PELI1: variants seen among roughly 807,000 people sequenced by gnomAD.
The protein encoded by PELI1 is pellino E3 ubiquitin protein ligase 1.
A neutral mutation model predicts 41.3 loss-of-function variants in PELI1; 15 were observed. The observed-to-expected ratio is 0.36, with a 90% CI of 0.24 to 0.56. PELI1 has a LOEUF of 0.56. Among genes scored for constraint, PELI1 ranks in the 20% least tolerant of loss-of-function variants. The probability of loss-of-function intolerance (pLI) is 0.82; values close to 1 mark genes in which losing one functional copy is unlikely to be tolerated. For synonymous variants in PELI1, 178 were observed against 180.1 expected (o/e 0.99, Z 0.09); for missense variants, 403 against 525.5 (o/e 0.77, Z 2.28).
At chr2:64,143,628 A>C (rs974675573) in intron 1 of PELI1, 2 of 152,244 alleles carry the variant, frequency 1.3e-5, no homozygotes, top group Non-Finnish European at 2.9e-5. Flanking sequence ...GACAACAATC[A>C]TAACAATAAA....
Position 64,094,607 on chromosome 2 carries a change from C to T in PELI1, c.*95G>A. 1 of 758,308 alleles carries T rather than the reference C, an allele frequency of 1.3e-6. No homozygotes were observed. Among genetic ancestry groups the T allele is most frequent in the South Asian group, 2.1e-5 (1 of 48,426 alleles). 47.0% of individuals were successfully genotyped at this position (758,308 alleles called of 1,614,324 possible). A position where few individuals can be genotyped will look rare whatever the true frequency, so the allele number is the denominator to read the frequency against. ...AAATTCTTCATCTTAATGCAAATGA[C>T]CAGAGCAGAAAAACTGTGACGTGGA... On this transcript the variant is annotated 3_prime_UTR_variant, in exon 7 of 7. Transcript: ENST00000358912.
At chr2:64,121,156 G>A (rs573843461) in intron 1 of PELI1, among the ~76,000 whole-genome samples, 3 of 152,172 alleles carry the variant, frequency 2.0e-5, no homozygotes, top group Non-Finnish European at 4.4e-5. Flanking sequence ...GTTCAGTCCA[G>A]GAAACATACC....
rs1680163039 is a variant in PELI1 at position 64,094,604 on chromosome 2, T to C, written c.*98A>G. Reference sequence around the variant, plus strand: ...AAAAAATTCTTCATCTTAATGCAAATGACCAGAGCAGAAAAACTGTGACGT... The same window carrying C: ...AAAAAATTCTTCATCTTAATGCAAACGACCAGAGCAGAAAAACTGTGACGT... On this transcript the variant is annotated 3_prime_UTR_variant, in exon 7 of 7. Coordinates refer to ENST00000358912, the MANE Select transcript of PELI1 (RefSeq NM_020651.4). 6 of 728,172 alleles carry C rather than the reference T, an allele frequency of 8.2e-6. No homozygotes were observed. The highest frequency in any genetic ancestry group is 1.8e-5 in the African/African-American group (1 of 56,194). The allele number at this position is 728,172 out of a possible 1,614,324, so 45.1% of individuals were successfully genotyped here.
intron 1 of PELI1, among the ~76,000 whole-genome samples, chr2:64,137,294 T>C (rs192465973): frequency 8.0e-4 from 122 of 152,248 alleles, no homozygotes; most frequent in African/African-American, 2.6e-3. Flanking sequence ...AAGAACCAGA[T>C]TCATCTCTTA....
At chr2:64,097,987 T>G (rs1680301708) in intron 4 of PELI1, among the ~76,000 whole-genome samples, 1 of 152,082 alleles carries the variant, frequency 6.6e-6, no homozygotes, top group East Asian at 1.9e-4. Context: ...CTTTAAAAGC[T>G]AAAAGATATA....
In PELI1 at chr2:64,117,913, G is replaced by A. The variant is rs926847791; in HGVS notation, c.-69-9534C>T. On this transcript the variant is annotated intron_variant, in intron 1 of 6. Transcript: ENST00000358912. ...CAACCTCTGCCTCCCAGGTTCAAGC[G>A]ATTCTCCTGCCTCAGCCTCCTAAGT... Among the ~76,000 whole-genome samples the A allele has an allele frequency of 4.0e-5, 6 of 151,886 alleles. No individual in the cohort carries two copies. In the East Asian group the frequency reaches 5.8e-4, roughly 15 times the overall value.
chr2:64,126,262 C>T (rs186681517), intron 1 of PELI1, among the ~76,000 whole-genome samples: 26 of 152,302 alleles, frequency 1.7e-4, no homozygotes, highest in African/African-American at 5.1e-4. Context: ...CTCCCGGGTT[C>T]AACCGATTCT....
chr2:64,133,164 C>T (rs1211943608), intron 1 of PELI1, among the ~76,000 whole-genome samples: 1 of 152,118 alleles, frequency 6.6e-6, no homozygotes, highest in African/African-American at 2.4e-5. Context: ...TAGCACTAAA[C>T]ATTGTTATTT....
rs200569281 is a variant in PELI1 at position 64,140,804 on chromosome 2, C to CA, written c.-70+3276dup. ...ACAACATGCAAAAAAAAAAAACAAA[C>CA]AAACAAAAAAAAACCTAGGGGCAGA... On this transcript the variant is annotated intron_variant, in intron 1 of 6. Transcript: ENST00000358912. Among the ~76,000 whole-genome samples the CA allele has an allele frequency of 3.1e-4, 32 of 102,600 alleles. 2 individuals carry two copies. Among genetic ancestry groups the CA allele is most frequent in the South Asian group, 6.2e-4 (2 of 3,238 alleles). 67.3% of individuals were successfully genotyped at this position (102,600 alleles called of 152,430 possible). A position where few individuals can be genotyped will look rare whatever the true frequency, so the allele number is the denominator to read the frequency against.
intron 2 of PELI1, 75 bp from the exon 3 acceptor site, chr2:64,104,905 T>A: frequency 7.7e-7 from 1 of 1,300,672 alleles, no homozygotes; most frequent in Non-Finnish European, 1.1e-6. Flanking sequence ...TGACTTTGCC[T>A]TGCAGAATCA....
chr2:64,140,049 T>C (rs1681846248), intron 1 of PELI1, among the ~76,000 whole-genome samples: 1 of 152,202 alleles, frequency 6.6e-6, no homozygotes, highest in African/African-American at 2.4e-5. Context: ...TAGCTTATTT[T>C]AGACAGCTTA....
rs1242795807 is a variant in PELI1, at chr2:64,092,833, T to C, written c.*1869A>G. On this transcript the variant is annotated 3_prime_UTR_variant, in exon 7 of 7. Coordinates refer to ENST00000358912, the MANE Select transcript of PELI1 (RefSeq NM_020651.4). Reference sequence around the variant, plus strand: ...TTTCTCATTCTCGATTATGCAAAAATGAACTCACAGAGACGAATTCAATTA... The same window carrying C: ...TTTCTCATTCTCGATTATGCAAAAACGAACTCACAGAGACGAATTCAATTA... 2.0e-5 allele frequency: 3 copies of C among 152,224 alleles called. No homozygotes were observed. The highest frequency in any genetic ancestry group is 2.4e-5 in the African/African-American group (1 of 41,462). 9.4% of individuals were successfully genotyped at this position (152,224 alleles called of 1,614,324 possible). A position where few individuals can be genotyped will look rare whatever the true frequency, so the allele number is the denominator to read the frequency against.
rs151102472 is a variant in PELI1, at chr2:64,104,433, C to T, written c.201+268G>A. 138 of 322,364 alleles carry T rather than the reference C, an allele frequency of 4.3e-4. No homozygotes were observed. The East Asian group carries it at 8.2e-3, about 19-fold the overall frequency. 20.0% of individuals were successfully genotyped at this position (322,364 alleles called of 1,614,324 possible). ...AAGTACTAGATAAAGCCCTGTCCCC[C>T]ATCCCACCTCTTTTAATAAGGAAAC... On this transcript the variant is annotated intron_variant, in intron 3 of 6. Transcript: ENST00000358912.
At chr2:64,140,499 T>C (rs1681866488) in intron 1 of PELI1, among the ~76,000 whole-genome samples, 1 of 152,128 alleles carries the variant, frequency 6.6e-6, no homozygotes, top group African/African-American at 2.4e-5. Context: ...AATTCATTTC[T>C]GTTAAACTAC....
intron 1 of PELI1, among the ~76,000 whole-genome samples, chr2:64,142,845 C>T (rs1315208971): frequency 1.3e-5 from 2 of 152,034 alleles, no homozygotes; most frequent in Non-Finnish European, 2.9e-5. Flanking sequence ...AAGGACAATG[C>T]CATTTCTGAA....
chr2:64,096,690 G>C (rs984643698), intron 4 of PELI1, 80 bp from the exon 5 acceptor site: 1 of 873,814 alleles, frequency 1.1e-6, no homozygotes, highest in East Asian at 2.6e-5. Context: ...ACAATAAGGA[G>C]AGAACATTAG....
At chr2:64,127,001 GA>G (rs957218194) in intron 1 of PELI1, among the ~76,000 whole-genome samples, 11 of 152,094 alleles carry the variant, frequency 7.2e-5, no homozygotes, top group African/African-American at 2.7e-4. Context: ...AGGAAGTGCT[GA>G]ATCAAAAAAC....
chr2:64,112,038 A>G (rs1198518190), intron 1 of PELI1, among the ~76,000 whole-genome samples: 1 of 151,984 alleles, frequency 6.6e-6, no homozygotes, highest in Non-Finnish European at 1.5e-5. Context: ...TTGAATTCCT[A>G]TTTAGAGTTA....
At chr2:64,118,833 A>G (rs1196134711) in intron 1 of PELI1, among the ~76,000 whole-genome samples, 1 of 152,196 alleles carries the variant, frequency 6.6e-6, no homozygotes, top group Non-Finnish European at 1.5e-5. Flanking sequence ...TTTATGGCTG[A>G]AAAACTATGC....
Sources: gnomAD v4.1 joint callset for allele counts (sites outside exome capture counted in the v4.1 genomes callset) on GRCh38, gnomAD v4.1.1 for gene constraint, MANE v1.5 for transcripts, NCBI Gene and HGNC (gene_info 2026-07-23, HGNC 2026-07-21) for gene names.